SH2D6: variants seen among roughly 807,000 people sequenced by gnomAD.
SH2D6 encodes the protein SH2 domain containing 6, also known as SH2 domain-containing protein 6.
A neutral mutation model predicts 30.2 loss-of-function variants in SH2D6; 31 were observed. The observed-to-expected ratio is 1.03, with a 90% CI of 0.77 to 1.38. The LOEUF (loss-of-function observed/expected upper bound fraction) is 1.38. Among genes scored for constraint, SH2D6 ranks in the 40% most tolerant of loss-of-function variants. SH2D6 has a pLI of 0.00. For synonymous variants in SH2D6, 93 were observed against 104.6 expected (o/e 0.89, Z 0.68); for missense variants, 240 against 266.8 (o/e 0.90, Z 0.70).
chr2:85,433,457 A>T (rs1689001555), intron 15 of SH2D6, 114 bp from the exon 16 acceptor site: 1 of 340,792 alleles, frequency 2.9e-6, no homozygotes, highest in African/African-American at 2.2e-5. Flanking sequence ...GTGAGGAGGG[A>T]GTGAGGTGCC....
chr2:85,426,316 CAT>C (rs1688049162), intron 6 of SH2D6, among the ~76,000 whole-genome samples: 1 of 152,214 alleles, frequency 6.6e-6, no homozygotes, highest in Admixed American at 6.5e-5. Flanking sequence ...GTTCCAGGCT[CAT>C]AACTCCCACA....
At chr2:85,426,037 G>C (rs1195091665) in intron 6 of SH2D6, among the ~76,000 whole-genome samples, 3 of 152,166 alleles carry the variant, frequency 2.0e-5, no homozygotes, top group Non-Finnish European at 4.4e-5. Flanking sequence ...CAAAAAGGAT[G>C]GCAGATGTCC....
chr2:85,422,793 T>C (rs1024188094), intron 5 of SH2D6, 103 bp downstream of exon 5: 1 of 152,316 alleles, frequency 6.6e-6, no homozygotes, highest in Non-Finnish European at 1.5e-5. Context: ...ACCTCAACTT[T>C]CAGCTCCCAG....
At chr2:85,423,943 G>A (rs2104884716) in intron 5 of SH2D6, among the ~76,000 whole-genome samples, 1 of 152,316 alleles carries the variant, frequency 6.6e-6, no homozygotes, top group Middle Eastern at 3.4e-3. Flanking sequence ...CCTCTAACCT[G>A]AGCACCTGCT....
In SH2D6 at chr2:85,428,699, T is replaced by C. The variant is rs1430503204; in HGVS notation, c.-95+2T>C. 6.6e-6 allele frequency: 1 copy of C among 152,222 alleles called. No individual in the cohort carries two copies. The highest frequency in any genetic ancestry group is 2.4e-5 in the African/African-American group (1 of 41,450). The allele number at this position is 152,222 out of a possible 1,614,324, so 9.4% of individuals were successfully genotyped here. A position where few individuals can be genotyped will look rare whatever the true frequency, so the allele number is the denominator to read the frequency against. On this transcript the variant is annotated splice_donor_variant, in intron 7 of 23. Transcript: ENST00000469800. LOFTEE classifies it low-confidence loss of function (5UTR_SPLICE). Reference sequence around the variant, plus strand: ...TCTTAGACTTCTAGCTCCAGAACAGTGAGAAAATGACATTTCTGTTGCTTA... The same window carrying C: ...TCTTAGACTTCTAGCTCCAGAACAGCGAGAAAATGACATTTCTGTTGCTTA...
intron 2 of SH2D6, 75 bp downstream of exon 2, chr2:85,419,319 C>G (rs536671649): frequency 6.6e-6 from 1 of 152,472 alleles, no homozygotes; most frequent in Non-Finnish European, 1.5e-5. Context: ...AAGCACTCTC[C>G]TCACACCTCA....
rs544965202 is a variant in SH2D6, at chr2:85,425,319, A to G, written c.-297A>G. ...CTCTTACTGCCCAGGTTTGAGAGCA[A>G]TGGCGCGATTTCGGCTCACAGCAAC... On this transcript the variant is annotated 5_prime_UTR_variant, in exon 6 of 24. It removes an upstream start codon present in the reference 5' UTR. Transcript: ENST00000469800. 7.8e-4 allele frequency: 111 copies of G among 142,362 alleles called. No homozygotes were observed. The highest frequency in any genetic ancestry group is 2.8e-3 in the African/African-American group (104 of 37,608). 8.8% of individuals were successfully genotyped at this position (142,362 alleles called of 1,614,324 possible).
At chr2:85,435,582 C>CAGGAGGGTT in intron 21 of SH2D6, 84 bp from the exon 22 acceptor site, 1 of 1,585,870 alleles carries the variant, frequency 6.3e-7, no homozygotes, top group East Asian at 2.2e-5. Context: ...GCAGGAGGGC[C>CAGGAGGGTT]AGGAGGGTTC....
chr2:85,431,043 A>C (rs557492245), intron 12 of SH2D6, among the ~76,000 whole-genome samples, 167 bp from the exon 13 acceptor site: 192 of 152,236 alleles, frequency 1.3e-3, no homozygotes, highest in African/African-American at 4.2e-3. Context: ...GGGGCAGGGA[A>C]ACTGCCCGCC....
chr2:85,434,994 C>T, intron 19 of SH2D6, 71 bp from the exon 20 acceptor site: 1 of 1,550,416 alleles, frequency 6.4e-7, no homozygotes, highest in Non-Finnish European at 8.7e-7. Context: ...CGCAGCTGTC[C>T]CCTAGAAGCC....
Position 85,427,507 on chromosome 2 carries a change from G to T in SH2D6, c.-208-1077G>T, listed in dbSNP as rs80233052. 2.4e-4 allele frequency among the ~76,000 whole-genome samples: 36 copies of T among 152,298 alleles called. 1 individual carries two copies. Among genetic ancestry groups the T allele is most frequent in the African/African-American group, 8.7e-4 (36 of 41,554 alleles). ...GGGCCCTTTCACTCACCCAGGCCTT[G>T]GCATTTGCCTATGCAAAGCCCTGAG... is the stretch of plus-strand genomic sequence containing the variant. On this transcript the variant is annotated intron_variant, in intron 6 of 23. Transcript: ENST00000469800.
chr2:85,435,263 C>G lies in SH2D6; in HGVS notation c.648+140C>G, dbSNP rs1244089163. ...CACACGTGTGCGGCACCCCGCCGTG[C>G]CCCAGACAGGGACACCACTTTGTTC... On this transcript the variant is annotated intron_variant, in intron 20 of 23. Coordinates refer to ENST00000469800, the MANE Select transcript of SH2D6 (RefSeq NM_001394463.1). The G allele has an allele frequency of 6.4e-6, 8 of 1,243,530 alleles. No individual in the cohort carries two copies. The Admixed American group carries it at 8.7e-5, about 13-fold the overall frequency. 77.0% of individuals were successfully genotyped at this position (1,243,530 alleles called of 1,614,324 possible). A position where few individuals can be genotyped will look rare whatever the true frequency, so the allele number is the denominator to read the frequency against.
At chr2:85,425,895 C>T (rs908151327) in intron 6 of SH2D6, among the ~76,000 whole-genome samples, 3 of 152,186 alleles carry the variant, frequency 2.0e-5, no homozygotes, top group African/African-American at 4.8e-5. Context: ...GAGTCTGGCA[C>T]GGGGCCTCTG....
rs375756722 is a variant in SH2D6 at position 85,435,518 on chromosome 2, G to A, written c.732+22G>A. On this transcript the variant is annotated intron_variant, in intron 21 of 23. Coordinates refer to ENST00000469800, the MANE Select transcript of SH2D6 (RefSeq NM_001394463.1). ...AAAGGTGGGCAGCCACGGACCCCGG[G>A]TCTTCTCCAAAACCCCTTTTGCTCA... 30 of 1,610,740 alleles carry A rather than the reference G, an allele frequency of 1.9e-5. No homozygotes were observed. The East Asian group carries it at 6.7e-4, about 36-fold the overall frequency.
chr2:85,431,667 T>G (rs1688667200), intron 13 of SH2D6, among the ~76,000 whole-genome samples: 1 of 152,226 alleles, frequency 6.6e-6, no homozygotes, highest in African/African-American at 2.4e-5. Flanking sequence ...TGGGACTTTA[T>G]GGATTTTGAA....
chr2:85,425,971 G>A (rs925283736), intron 6 of SH2D6, among the ~76,000 whole-genome samples: 1 of 152,178 alleles, frequency 6.6e-6, no homozygotes, highest in African/African-American at 2.4e-5. Context: ...TTCTGCAATT[G>A]GAAACGAGGA....
rs778162998 is a variant in SH2D6, at chr2:85,435,421, T to A, written c.657T>A (p.Asp219Glu). ...TGSASAAEDSDLLTQPWYSGN... is the reference protein window; with the variant it reads ...TGSASAAEDSELLTQPWYSGN... ...ACTGTGTGTATGCACAGGACAGTGATCTGCTGACTCAGCCTTGGTACTCGG... is the reference window on the plus strand; with the variant it reads ...ACTGTGTGTATGCACAGGACAGTGAACTGCTGACTCAGCCTTGGTACTCGG... The change falls in exon 21 of 24, where the codon GAT becomes GAA. Residue 219 changes from aspartate (D) to glutamate (E), a missense_variant. By Grantham distance (45) the Asp-to-Glu change is conservative. Coordinates refer to ENST00000469800, the MANE Select transcript of SH2D6 (RefSeq NM_001394463.1). 1.2e-6 allele frequency: 2 copies of A among 1,613,808 alleles called. No individual in the cohort carries two copies. The highest frequency in any genetic ancestry group is 3.3e-5 in the Admixed American group (2 of 60,018).
rs1409238694 is a variant in SH2D6, at chr2:85,435,467, G to A, written c.703G>A (p.Val235Ile). 40 of 1,613,900 alleles carry A rather than the reference G, an allele frequency of 2.5e-5. No homozygotes were observed. Among genetic ancestry groups the A allele is most frequent in the Non-Finnish European group, 3.4e-5 (40 of 1,180,002 alleles). Residue 235 changes from valine (V) to isoleucine (I), a missense_variant, in exon 21 of 24, where the codon GTT becomes ATT. Transcript: ENST00000469800. ...WYSGNCDRYA[V>I]ESALLHLQKD... The stretch of plus-strand genomic sequence containing the variant: ...CTCGGGGAACTGTGACCGCTATGCT[G>A]TTGAGAGTGCCCTGCTCCACTTACA...
chr2:85,426,370 G>A (rs1688053593), intron 6 of SH2D6, among the ~76,000 whole-genome samples: 1 of 152,148 alleles, frequency 6.6e-6, no homozygotes, highest in Admixed American at 6.5e-5. Context: ...GCTGTGTTAG[G>A]CCTCAGGAGC....
Sources: allele counts gnomAD v4.1 joint callset (sites outside exome capture counted in the v4.1 genomes callset), GRCh38; gene constraint gnomAD v4.1.1; transcripts MANE v1.5; gene names NCBI Gene and HGNC (gene_info 2026-07-23, HGNC 2026-07-21).